The following GARIN5B variants were observed in gnomAD, a reference collection of about 807,000 sequenced individuals.
GARIN5B encodes golgi associated RAB2 interactor family member 5B, also known as Golgi-associated RAB2 interactor protein 5B.
At chr19:55,362,502 T>A in the GARIN5B span, 1 of 1,473,246 alleles carries the variant, frequency 6.8e-7, no homozygotes, top group Non-Finnish European at 9.1e-7. Context: ...AGGGGGATCA[T>A]CCTGGGAGAG....
At chr19:55,362,003 GGCCC>G in the GARIN5B span, among the ~76,000 whole-genome samples, 1 of 131,154 alleles carries the variant, frequency 7.6e-6, no homozygotes, top group African/African-American at 3.2e-5. Flanking sequence ...CAGGACCCCA[GGCCC>G]TTCTTCCCTC....
the GARIN5B span, chr19:55,362,790 G>A: frequency 1.7e-5 from 26 of 1,497,716 alleles, no homozygotes; most frequent in African/African-American, 3.5e-4. Flanking sequence ...GCCACAGCCT[G>A]AGCCTCCCTC....
At chr19:55,360,650 C>T in the GARIN5B span, 2 of 1,545,142 alleles carry the variant, frequency 1.3e-6, no homozygotes, top group Non-Finnish European at 1.7e-6. Context: ...CCCCTCCTCC[C>T]TCAGCTCTGG....
At chr19:55,361,486 C>T in the GARIN5B span, 1 of 1,453,410 alleles carries the variant, frequency 6.9e-7, no homozygotes, top group Non-Finnish European at 9.1e-7. Context: ...ATCTCCATAA[C>T]CTACCCAGCG....
the GARIN5B span, among the ~76,000 whole-genome samples, chr19:55,355,713 C>T: frequency 1.3e-5 from 2 of 152,272 alleles, no homozygotes; most frequent in African/African-American, 2.4e-5. Flanking sequence ...CGGCCAGGTG[C>T]GGTGGCTCAT....
chr19:55,358,072 A>G, the GARIN5B span: 2 of 1,322,032 alleles, frequency 1.5e-6, no homozygotes, highest in Non-Finnish European at 2.0e-6. Flanking sequence ...AAAAAAGTGA[A>G]AGGAAAGAGT....
chr19:55,359,568 G>A, the GARIN5B span: 1,865 of 1,551,270 alleles, frequency 1.2e-3, 19 homozygotes, highest in African/African-American at 0.023. Flanking sequence ...GCCAATCCAG[G>A]TGGGGGTTTC....
the GARIN5B span, chr19:55,358,720 C>A: frequency 6.5e-7 from 1 of 1,550,274 alleles, no homozygotes; most frequent in Non-Finnish European, 8.7e-7. Context: ...GAAGTGAGAC[C>A]AAAGCGGATT....
At chr19:55,357,421 C>A in the GARIN5B span, among the ~76,000 whole-genome samples, 1 of 152,192 alleles carries the variant, frequency 6.6e-6, no homozygotes, top group Non-Finnish European at 1.5e-5. Context: ...TTTCCCACCC[C>A]GGGATCCCCG....
At chr19:55,362,407 G>A in the GARIN5B span, 2 of 1,550,654 alleles carry the variant, frequency 1.3e-6, no homozygotes, top group East Asian at 2.4e-5. Context: ...GGGCGTCCAG[G>A]GCCAGGTAGT....
At chr19:55,358,527 CCCAT>C in the GARIN5B span, 4 of 30,208 alleles carry the variant, frequency 1.3e-4, no homozygotes, top group African/African-American at 5.3e-4. Flanking sequence ...TTCATCTCGC[CCCAT>C]GGCTGCTCCT....
At chr19:55,363,231 T>G in the GARIN5B span, 19 of 668,638 alleles carry the variant, frequency 2.8e-5, no homozygotes, top group Non-Finnish European at 4.0e-5. The surrounding 1 kb of genome is among the most constrained non-coding windows in gnomAD (Gnocchi z 4.0). Flanking sequence ...GCCTCCGCCA[T>G]GGCCCTGCCA....
At chr19:55,359,212 G>C in the GARIN5B span, 2 of 1,551,254 alleles carry the variant, frequency 1.3e-6, no homozygotes, top group African/African-American at 2.7e-5. Flanking sequence ...AGGCAGGCGG[G>C]CTCAGCGCCA....
chr19:55,362,074 C>T, the GARIN5B span, among the ~76,000 whole-genome samples: 1 of 151,252 alleles, frequency 6.6e-6, no homozygotes, highest in African/African-American at 2.4e-5. Flanking sequence ...GTCCAGGCCC[C>T]CAGCATCTCC....
chr19:55,355,466 C>T, the GARIN5B span: 2 of 986,288 alleles, frequency 2.0e-6, no homozygotes, highest in Non-Finnish European at 1.5e-6. Flanking sequence ...GCGGGTCTTG[C>T]TGTGTGTTTG....
At chr19:55,358,726 G>T in the GARIN5B span, 5 of 1,549,710 alleles carry the variant, frequency 3.2e-6, no homozygotes, top group African/African-American at 1.4e-5. Context: ...AGACCAAAGC[G>T]GATTTCGAGG....
At chr19:55,360,274 G>GTCT in the GARIN5B span, among the ~76,000 whole-genome samples, 1 of 95,292 alleles carries the variant, frequency 1.0e-5, no homozygotes. Flanking sequence ...CCAGGCCCCA[G>GTCT]CTCCTCCTCC....
the GARIN5B span, chr19:55,359,639 C>T: frequency 1.9e-6 from 3 of 1,550,794 alleles, no homozygotes; most frequent in Admixed American, 2.0e-5. Flanking sequence ...CGGTGCCTTA[C>T]AAGATGTGAC....
At chr19:55,358,900 C>T in the GARIN5B span, 15 of 1,550,674 alleles carry the variant, frequency 9.7e-6, no homozygotes, top group South Asian at 4.8e-5. Flanking sequence ...CAGGCAGGTC[C>T]GGGGACCTCT....
Sources: gnomAD v4.1 joint callset for allele counts (sites outside exome capture counted in the v4.1 genomes callset) on GRCh38, gnomAD v4.1.1 for gene constraint, Gnocchi (gnomAD v3.1) non-coding constraint, MANE v1.5 for transcripts, NCBI Gene and HGNC (gene_info 2026-07-23, HGNC 2026-07-21) for gene names.